The following RYR2 variants were observed in gnomAD, a reference collection of about 807,000 sequenced individuals.
RYR2 encodes the protein cardiac muscle ryanodine receptor-calcium release channel.
A neutral mutation model predicts 601.1 loss-of-function variants in RYR2; 227 were observed. That is an observed-to-expected ratio of 0.38 (90% CI 0.34 to 0.42). The LOEUF is 0.42. Among genes scored for constraint, RYR2 ranks in the 10% least tolerant of loss-of-function variants. RYR2 has a pLI of 1.00. For missense variants in RYR2, 4,646 were observed against 6,156.5 expected, an observed-to-expected ratio of 0.75 and a Z score of 8.21; for synonymous variants, 2,223 against 2,175.1, an observed-to-expected ratio of 1.02 and a Z score of -0.61.
intron 74 of RYR2, among the ~76,000 whole-genome samples, chr1:237,724,721 A>G (rs1690058134): frequency 6.8e-6 from 1 of 147,130 alleles, no homozygotes; most frequent in Non-Finnish European, 1.5e-5. Context: ...AGAATTATAT[A>G]TATATATGTT....
At chr1:237,337,885 A>T (rs986040789) in intron 3 of RYR2, among the ~76,000 whole-genome samples, 1 of 152,204 alleles carries the variant, frequency 6.6e-6, no homozygotes, top group Non-Finnish European at 1.5e-5. Context: ...TTAAAACAAC[A>T]TACATTTATT....
At chr1:237,181,603 A>G (rs1678767962) in intron 1 of RYR2, among the ~76,000 whole-genome samples, 2 of 152,088 alleles carry the variant, frequency 1.3e-5, no homozygotes, top group Non-Finnish European at 1.5e-5. Context: ...TCTCATACAT[A>G]CAATTGGCTC....
chr1:237,240,813 T>G (rs1686087971), intron 1 of RYR2, among the ~76,000 whole-genome samples: 1 of 152,154 alleles, frequency 6.6e-6, no homozygotes. Flanking sequence ...TTAAATTATC[T>G]TATCATTGTT....
chr1:237,122,290 G>A (rs1670879025), intron 1 of RYR2, among the ~76,000 whole-genome samples: 1 of 152,168 alleles, frequency 6.6e-6, no homozygotes. Context: ...TCCTCAGTAA[G>A]GACAGACTTA....
intron 85 of RYR2, 128 bp downstream of exon 85, chr1:237,771,015 C>T (rs530355643): frequency 4.0e-6 from 2 of 503,998 alleles, no homozygotes; most frequent in East Asian, 6.6e-5. Flanking sequence ...TAGAGCATGA[C>T]TCTGCATTGG....
chr1:237,554,803 T>C (rs1670725101), intron 27 of RYR2, among the ~76,000 whole-genome samples: 1 of 152,060 alleles, frequency 6.6e-6, no homozygotes, highest in South Asian at 2.1e-4. Context: ...TCTTTTAATG[T>C]CTGTAGGATC....
At chr1:237,687,142 G>T (rs1177486997) in intron 62 of RYR2, among the ~76,000 whole-genome samples, 3 of 151,834 alleles carry the variant, frequency 2.0e-5, no homozygotes, top group Non-Finnish European at 2.9e-5. Flanking sequence ...TCCTTATGGG[G>T]TTCATATAGA....
chr1:237,809,210 C>G (rs1660998116), intron 100 of RYR2, among the ~76,000 whole-genome samples, 175 bp downstream of exon 100: 1 of 152,184 alleles, frequency 6.6e-6, no homozygotes, highest in Non-Finnish European at 1.5e-5. Context: ...CATAAAGGAG[C>G]ATTTCTGTCA....
chr1:237,577,451 C>A (rs1174137889), intron 29 of RYR2, among the ~76,000 whole-genome samples: 6 of 150,842 alleles, frequency 4.0e-5, no homozygotes, highest in Non-Finnish European at 8.8e-5. Flanking sequence ...TCTGGGAAGC[C>A]AATGTCATCA....
chr1:237,046,685 A>C (rs973732667), intron 1 of RYR2, among the ~76,000 whole-genome samples: 1 of 152,346 alleles, frequency 6.6e-6, no homozygotes, highest in Non-Finnish European at 1.5e-5. Context: ...CTTTGGCTTC[A>C]GATAAGTGTT....
intron 12 of RYR2, among the ~76,000 whole-genome samples, chr1:237,440,188 G>A (rs927425868): frequency 5.3e-5 from 8 of 152,030 alleles, no homozygotes; most frequent in African/African-American, 1.7e-4. Context: ...AATACATTAT[G>A]CAAATGACAT....
At chr1:237,648,408 C>G (rs369492250) in intron 48 of RYR2, 36 bp from the exon 49 acceptor site, 1 of 1,551,200 alleles carries the variant, frequency 6.4e-7, no homozygotes, top group African/African-American at 1.4e-5. Flanking sequence ...GTATATGACA[C>G]AGCCATTGAC....
chr1:237,821,625 G>A (rs1051910232), intron 101 of RYR2, among the ~76,000 whole-genome samples: 3 of 152,012 alleles, frequency 2.0e-5, no homozygotes, highest in Non-Finnish European at 4.4e-5. Context: ...CTCCTCCAAA[G>A]TATCACAACT....
chr1:237,415,136 G>A (rs1704840191), intron 10 of RYR2, among the ~76,000 whole-genome samples: 1 of 152,192 alleles, frequency 6.6e-6, no homozygotes, highest in Non-Finnish European at 1.5e-5. Flanking sequence ...CAACAGTGCT[G>A]CTGTGGAGTA....
chr1:237,071,611 T>C (rs1345094608), intron 1 of RYR2, among the ~76,000 whole-genome samples: 1 of 152,048 alleles, frequency 6.6e-6, no homozygotes. Context: ...AAAAACACTA[T>C]AAACTCTTAC....
chr1:237,797,370 G>GTGTT (rs1324881488), intron 96 of RYR2, among the ~76,000 whole-genome samples: 6 of 150,936 alleles, frequency 4.0e-5, no homozygotes, highest in Admixed American at 2.0e-4. Flanking sequence ...GCAGGTCCTG[G>GTGTT]TGTTTTACTG....
At chr1:237,830,673 G>GT in intron 103 of RYR2, 43 bp downstream of exon 103, 1 of 946,066 alleles carries the variant, frequency 1.1e-6, no homozygotes, top group Non-Finnish European at 1.7e-6. Context: ...TCCAGTAGAC[G>GT]CCACTGGTCC....
At chr1:237,173,470 G>A (rs1035089753) in intron 1 of RYR2, among the ~76,000 whole-genome samples, 3 of 152,156 alleles carry the variant, frequency 2.0e-5, no homozygotes, top group Admixed American at 6.5e-5. Context: ...AAAAGTGGTC[G>A]GAAGGGCACC....
At chr1:237,144,633 A>G (rs1287518753) in intron 1 of RYR2, among the ~76,000 whole-genome samples, 1 of 152,224 alleles carries the variant, frequency 6.6e-6, no homozygotes, top group Non-Finnish European at 1.5e-5. Flanking sequence ...TTCTAAGAAA[A>G]AGGATGGGCA....
Sources: gnomAD v4.1 joint callset for allele counts (sites outside exome capture counted in the v4.1 genomes callset) on GRCh38, gnomAD v4.1.1 for gene constraint, MANE v1.5 for transcripts, NCBI Gene and HGNC (gene_info 2026-07-23, HGNC 2026-07-21) for gene names.